Variants in ANAPC1 observed in about 807,000 individuals in gnomAD.
ANAPC1 encodes the protein anaphase promoting complex subunit 1.
ANAPC1 carries 36 observed loss-of-function variants against 208.0 expected under a neutral mutation model. The ratio of observed to expected loss-of-function variants is 0.17; its 90% CI spans 0.13 to 0.23. ANAPC1 has a LOEUF of 0.23. Ranked by LOEUF, ANAPC1 falls within the 10% of genes least tolerant of loss-of-function variation. The pLI is 1.00. For synonymous variants in ANAPC1, 378 were observed against 695.2 expected (o/e 0.54, Z 7.18); for missense variants, 942 against 2,011.6 (o/e 0.47, Z 10.17).
intron 18 of ANAPC1, among the ~76,000 whole-genome samples, chr2:111,836,539 T>C (rs933231363): frequency 6.6e-6 from 1 of 151,148 alleles, no homozygotes; most frequent in African/African-American, 2.4e-5. Context: ...TCCTAGCTAC[T>C]TGGAGGCTGA....
chr2:111,877,029 G>A (rs1683057665), intron 3 of ANAPC1, among the ~76,000 whole-genome samples: 1 of 151,574 alleles, frequency 6.6e-6, no homozygotes, highest in Admixed American at 6.6e-5. Flanking sequence ...GTGTACATAT[G>A]GGATTTTCGG....
intron 29 of ANAPC1, 52 bp downstream of exon 29, chr2:111,808,895 T>C (rs1678834495): frequency 7.9e-7 from 1 of 1,268,736 alleles, no homozygotes; most frequent in Non-Finnish European, 1.1e-6. Context: ...ATTGGGTTAA[T>C]GTGGAGTGGA....
At chr2:111,846,859 C>T (rs2104509577) in intron 16 of ANAPC1, among the ~76,000 whole-genome samples, 1 of 150,836 alleles carries the variant, frequency 6.6e-6, no homozygotes, top group Admixed American at 6.6e-5. Context: ...TGTGAGCCAC[C>T]ATGCCCAGCA....
intron 1 of ANAPC1, among the ~76,000 whole-genome samples, chr2:111,883,734 G>A (rs935886233): frequency 1.3e-5 from 2 of 152,228 alleles, no homozygotes; most frequent in African/African-American, 4.8e-5. Context: ...AGGTTGGCAA[G>A]CAGGAGCCGG....
chr2:111,879,829 G>A lies in ANAPC1; in HGVS notation c.213+784C>T, dbSNP rs181634413. On this transcript the variant is annotated intron_variant, in intron 2 of 47. Coordinates refer to ENST00000341068, the MANE Select transcript of ANAPC1 (RefSeq NM_022662.4). ...AGAGGTTGCGGTGAGCTGAGATTGT[G>A]CCATTGCACTCCAGCCTGGGCAACA... 2.2e-3 allele frequency among the ~76,000 whole-genome samples: 332 copies of A among 151,574 alleles called. 2 individuals are homozygous for A. The highest frequency in any genetic ancestry group is 7.8e-3 in the African/African-American group (323 of 41,232).
At chr2:111,857,188 A>C (rs1484033265) in intron 11 of ANAPC1, 1 of 320,252 alleles carries the variant, frequency 3.1e-6, no homozygotes, top group Non-Finnish European at 5.9e-6. Flanking sequence ...CCATACATAC[A>C]CATAAATGAG....
At chr2:111,844,490 A>G (rs1428194916) in intron 16 of ANAPC1, among the ~76,000 whole-genome samples, 1 of 151,280 alleles carries the variant, frequency 6.6e-6, no homozygotes, top group Non-Finnish European at 1.5e-5. Flanking sequence ...AATCGCCTGA[A>G]CCCGGGAGGC....
chr2:111,773,455 C>G (rs1003905100), intron 46 of ANAPC1, among the ~76,000 whole-genome samples: 20 of 152,266 alleles, frequency 1.3e-4, no homozygotes, highest in Admixed American at 4.6e-4. Context: ...CGTGCCTTAC[C>G]TGCAGACCTC....
chr2:111,841,862 T>G (rs1680784249), intron 17 of ANAPC1, among the ~76,000 whole-genome samples: 2 of 152,178 alleles, frequency 1.3e-5, no homozygotes, highest in African/African-American at 4.8e-5. Context: ...ACATTCCCAT[T>G]TACTTATAGA....
At chr2:111,812,528 T>A (rs972410862) in intron 28 of ANAPC1, among the ~76,000 whole-genome samples, 4 of 133,100 alleles carry the variant, frequency 3.0e-5, no homozygotes, top group Non-Finnish European at 4.9e-5. Context: ...CATTAAGTTA[T>A]CAACCATAAA....
intron 44 of ANAPC1, chr2:111,779,182 G>A (rs1303820268): frequency 5.9e-6 from 1 of 169,578 alleles, no homozygotes; most frequent in South Asian, 1.4e-4. Flanking sequence ...GGGTGGGCAT[G>A]GGCTTTATTA....
intron 11 of ANAPC1, among the ~76,000 whole-genome samples, chr2:111,858,044 G>C (rs1033418685): frequency 6.6e-6 from 1 of 152,024 alleles, no homozygotes. Context: ...GCTGGAAATG[G>C]GAACAAGACT....
intron 28 of ANAPC1, among the ~76,000 whole-genome samples, chr2:111,810,246 G>A (rs1678896349): frequency 1.3e-5 from 2 of 151,518 alleles, no homozygotes; most frequent in Admixed American, 6.6e-5. Flanking sequence ...GTCCAGAAAA[G>A]GCAAACCCAT....
At chr2:111,845,877 A>C (rs1681030565) in intron 16 of ANAPC1, among the ~76,000 whole-genome samples, 1 of 149,310 alleles carries the variant, frequency 6.7e-6, no homozygotes, top group Non-Finnish European at 1.5e-5. Flanking sequence ...CGGGAGGCTG[A>C]GGCAGGAGAA....
intron 14 of ANAPC1, among the ~76,000 whole-genome samples, chr2:111,849,277 G>C (rs565387362): frequency 2.6e-5 from 4 of 152,240 alleles, no homozygotes; most frequent in African/African-American, 9.6e-5. Flanking sequence ...TATCAAAAAG[G>C]CACTATTACC....
At chr2:111,789,912 T>C (rs1348249757) in intron 38 of ANAPC1, among the ~76,000 whole-genome samples, 1 of 150,888 alleles carries the variant, frequency 6.6e-6, no homozygotes, top group African/African-American at 2.4e-5. Context: ...TCAAAAATCA[T>C]AGAATAAAAT....
At chr2:111,883,626 G>C (rs1433032397) in intron 1 of ANAPC1, among the ~76,000 whole-genome samples, 1 of 152,114 alleles carries the variant, frequency 6.6e-6, no homozygotes, top group African/African-American at 2.4e-5. Flanking sequence ...GGTGAAAACA[G>C]GCTGAGAGCC....
chr2:111,801,349 T>TC (rs1329033421), intron 33 of ANAPC1, among the ~76,000 whole-genome samples: 2 of 141,464 alleles, frequency 1.4e-5, no homozygotes, highest in African/African-American at 5.4e-5. Context: ...AGAGTGAGAC[T>TC]CCATCTCATA....
intron 2 of ANAPC1, among the ~76,000 whole-genome samples, chr2:111,879,956 G>C (rs1409379863): frequency 6.6e-6 from 1 of 152,082 alleles, no homozygotes; most frequent in Non-Finnish European, 1.5e-5. Context: ...CTGCAGCAGG[G>C]ACTACTTCTA....
Sources: gnomAD v4.1 joint callset for allele counts (sites outside exome capture counted in the v4.1 genomes callset) on GRCh38, gnomAD v4.1.1 for gene constraint, MANE v1.5 for transcripts, NCBI Gene and HGNC (gene_info 2026-07-23, HGNC 2026-07-21) for gene names.